Variants in PALS2 observed in about 807,000 individuals in gnomAD.
The protein encoded by PALS2 is protein PALS2.
Under a neutral mutation model 61.6 loss-of-function variants are expected in PALS2, and 27 were observed. The observed-to-expected ratio is 0.44, with a 90% CI of 0.32 to 0.60. The LOEUF (loss-of-function observed/expected upper bound fraction) is 0.60. PALS2 is among the 20% of genes least tolerant of loss of function. The probability of loss-of-function intolerance (pLI) is 0.05; values close to 1 mark genes in which losing one functional copy is unlikely to be tolerated. For synonymous variants in PALS2, 236 were observed against 218.6 expected (o/e 1.08, Z -0.70); for missense variants, 554 against 639.4 (o/e 0.87, Z 1.44).
At position 24,647,384 on chromosome 7, in the gene PALS2, G is replaced by A. The variant is rs571795348; in HGVS notation, c.271-2228G>A. On this transcript the variant is annotated intron_variant, in intron 3 of 11. Coordinates refer to ENST00000222644, the MANE Select transcript of PALS2 (RefSeq NM_001303037.2). ...GGCTGGTCTTGAACTCCTGACCTCA[G>A]GTGATCTGCCCACCTCGGCCTCCCA... 2.4e-3 allele frequency among the ~76,000 whole-genome samples: 361 copies of A among 152,146 alleles called. 2 individuals carry two copies. Among genetic ancestry groups the A allele is most frequent in the African/African-American group, 8.2e-3 (342 of 41,520 alleles).
intron 11 of PALS2, among the ~76,000 whole-genome samples, chr7:24,680,722 A>G (rs147778657): frequency 6.6e-6 from 1 of 152,200 alleles, no homozygotes; most frequent in East Asian, 1.9e-4. Context: ...CAGCCTCCCA[A>G]GTAGCTGGGA....
At chr7:24,640,877 GGGTA>G (rs1785505982) in intron 2 of PALS2, among the ~76,000 whole-genome samples, 2 of 151,592 alleles carry the variant, frequency 1.3e-5, no homozygotes, top group Non-Finnish European at 2.9e-5. Context: ...GCTTGGTGGC[GGGTA>G]CCTGTAGTCC....
chr7:24,655,967 A>C (rs55767400), intron 5 of PALS2, among the ~76,000 whole-genome samples: 10,521 of 152,216 alleles, frequency 0.069, 449 homozygotes, highest in African/African-American at 0.11. Context: ...TCTTGCTGTT[A>C]TCAAAAATGT....
chr7:24,607,531 GTA>G (rs749590067), intron 1 of PALS2, among the ~76,000 whole-genome samples: 2 of 151,010 alleles, frequency 1.3e-5, no homozygotes, highest in Admixed American at 1.3e-4. Flanking sequence ...ATATGTGTGT[GTA>G]TATATACACG....
chr7:24,583,261 G>C (rs1782919336), intron 1 of PALS2, among the ~76,000 whole-genome samples: 1 of 151,478 alleles, frequency 6.6e-6, no homozygotes, highest in African/African-American at 2.4e-5. Context: ...TTGGAATGGA[G>C]GTCAGTAAAA....
At chr7:24,659,887 A>G (rs985090330) in intron 5 of PALS2, among the ~76,000 whole-genome samples, 1 of 152,174 alleles carries the variant, frequency 6.6e-6, no homozygotes, top group Non-Finnish European at 1.5e-5. Flanking sequence ...GCCTTTCCTC[A>G]CTGATACTGT....
intron 9 of PALS2, among the ~76,000 whole-genome samples, 189 bp downstream of exon 9, chr7:24,668,849 T>C (rs1349042781): frequency 6.6e-6 from 1 of 152,244 alleles, no homozygotes; most frequent in Non-Finnish European, 1.5e-5. Flanking sequence ...AGTGCTGCAG[T>C]GCTGTTGGCT....
At chr7:24,649,857 T>C (rs1786049093) in intron 4 of PALS2, 93 bp downstream of exon 4, 3 of 1,220,834 alleles carry the variant, frequency 2.5e-6, no homozygotes, top group Non-Finnish European at 3.3e-6. Flanking sequence ...TTCCTTTTCA[T>C]AATGTTATGA....
intron 6 of PALS2, among the ~76,000 whole-genome samples, chr7:24,664,582 G>A (rs1052977570): frequency 3.9e-5 from 6 of 152,066 alleles, no homozygotes; most frequent in Non-Finnish European, 8.8e-5. Context: ...CTAAATTATA[G>A]ATCTACTTCT....
intron 1 of PALS2, among the ~76,000 whole-genome samples, chr7:24,588,061 G>A (rs953682254): frequency 1.3e-5 from 2 of 152,114 alleles, no homozygotes; most frequent in Non-Finnish European, 2.9e-5. Context: ...GTAGAGGCCA[G>A]GGTTGTTACT....
Position 24,643,516 on chromosome 7 carries a change from A to G in PALS2, c.270+1648A>G, listed in dbSNP as rs552629164. Among the ~76,000 whole-genome samples, 7 of 152,198 alleles carry G rather than the reference A, an allele frequency of 4.6e-5. No homozygotes were observed. The East Asian group carries it at 9.6e-4, about 21-fold the overall frequency. Reference sequence around the variant, plus strand: ...CTCTTTTTTTAAGTTATTGATTTCTAATTTTCTGTTTCAGTGAACTTCCAT... The same window carrying G: ...CTCTTTTTTTAAGTTATTGATTTCTGATTTTCTGTTTCAGTGAACTTCCAT... On this transcript the variant is annotated intron_variant, in intron 3 of 11. Coordinates refer to ENST00000222644, the MANE Select transcript of PALS2 (RefSeq NM_001303037.2).
chr7:24,654,707 C>T (rs985023071), intron 5 of PALS2, among the ~76,000 whole-genome samples: 3 of 152,098 alleles, frequency 2.0e-5, no homozygotes, highest in Non-Finnish European at 4.4e-5. Flanking sequence ...CCAGTCAAAA[C>T]AGGGTTTTCC....
At chr7:24,606,076 T>G (rs539572504) in intron 1 of PALS2, among the ~76,000 whole-genome samples, 1 of 152,278 alleles carries the variant, frequency 6.6e-6, no homozygotes, top group South Asian at 2.1e-4. Context: ...TGGATTTCTT[T>G]CCTAGTAGTA....
chr7:24,601,182 A>G (rs775399797), intron 1 of PALS2, among the ~76,000 whole-genome samples: 75 of 152,288 alleles, frequency 4.9e-4, no homozygotes, highest in African/African-American at 7.5e-4. Context: ...TGCATATCAT[A>G]TACTCTTCCA....
intron 7 of PALS2, 118 bp downstream of exon 7, chr7:24,665,805 C>G: frequency 9.9e-7 from 1 of 1,006,378 alleles, no homozygotes; most frequent in Non-Finnish European, 1.5e-6. Context: ...ATCCCTCCCT[C>G]TGCTTTCTCT....
intron 1 of PALS2, among the ~76,000 whole-genome samples, chr7:24,575,174 C>T (rs1339770808): frequency 1.3e-5 from 2 of 152,128 alleles, no homozygotes; most frequent in Non-Finnish European, 2.9e-5. Flanking sequence ...CAATTTTGTC[C>T]TATGGAGACT....
At position 24,693,028 on chromosome 7, in the gene PALS2, TTATC is replaced by T. The variant is rs1788545985; in HGVS notation, c.*5416_*5419del. On this transcript the variant is annotated 3_prime_UTR_variant, in exon 12 of 12. Transcript: ENST00000222644. Reference sequence around the variant, plus strand: ...AATGCAATGGTGTGATAAATTTGACTTATCTCCACATACAAAAGTCGATCAGAAG... The same window carrying T: ...AATGCAATGGTGTGATAAATTTGACTTCCACATACAAAAGTCGATCAGAAG... 1 of 152,208 alleles carries T rather than the reference TTATC, an allele frequency of 6.6e-6. No individual in the cohort carries two copies. The allele number at this position is 152,208 out of a possible 1,614,324, so 9.4% of individuals were successfully genotyped here. A position where few individuals can be genotyped will look rare whatever the true frequency, so the allele number is the denominator to read the frequency against.
At chr7:24,631,290 A>G (rs1056444489) in intron 2 of PALS2, among the ~76,000 whole-genome samples, 8 of 152,202 alleles carry the variant, frequency 5.3e-5, no homozygotes, top group African/African-American at 1.9e-4. Flanking sequence ...TTAGATGACA[A>G]GTGACTTTCA....
At chr7:24,671,840 C>G (rs1334978062) in intron 9 of PALS2, among the ~76,000 whole-genome samples, 1 of 151,900 alleles carries the variant, frequency 6.6e-6, no homozygotes, top group African/African-American at 2.4e-5. Flanking sequence ...TTTTGAAAAT[C>G]AATTGATTGT....
Sources: allele counts gnomAD v4.1 joint callset (sites outside exome capture counted in the v4.1 genomes callset), GRCh38; gene constraint gnomAD v4.1.1; transcripts MANE v1.5; gene names NCBI Gene and HGNC (gene_info 2026-07-23, HGNC 2026-07-21).